OR3A2: variants seen among roughly 807,000 people sequenced by gnomAD.
The protein encoded by OR3A2 is olfactory receptor 3A2.
For missense variants in OR3A2, 318 were observed against 392.8 expected (o/e 0.81, Z 1.61); for synonymous variants, 126 against 159.3 (o/e 0.79, Z 1.57).
chr17:3,322,103 G>A (rs2049128475), intron 3 of OR3A2, among the ~76,000 whole-genome samples: 1 of 152,084 alleles, frequency 6.6e-6, no homozygotes, highest in Non-Finnish European at 1.5e-5. Context: ...AGTCTTGGGA[G>A]GATGTACGTG....
intron 2 of OR3A2, among the ~76,000 whole-genome samples, chr17:3,367,207 A>C (rs976658468): frequency 1.3e-5 from 2 of 151,924 alleles, no homozygotes; most frequent in Non-Finnish European, 2.9e-5. Context: ...TACAGCTCAG[A>C]CTCAGTTGTT....
chr17:3,360,041 T>C (rs2049497558), intron 2 of OR3A2, among the ~76,000 whole-genome samples: 1 of 151,798 alleles, frequency 6.6e-6, no homozygotes, highest in Admixed American at 6.6e-5. Context: ...CCACCAACAG[T>C]GTAAAAGTGT....
chr17:3,351,174 C>G lies in OR3A2; in HGVS notation c.-178-15048G>C, dbSNP rs888959350. ...CTCCTATTCAACAGTGTTGGAAGTT[C>G]TGGCCAGGGCAATTAGGCAGGAGAA... On this transcript the variant is annotated intron_variant, in intron 2 of 4. Coordinates refer to the OR3A2 transcript ENST00000573491. 8.7e-5 allele frequency among the ~76,000 whole-genome samples: 13 copies of G among 149,430 alleles called. 1 individual carries two copies. The highest frequency in any genetic ancestry group is 3.2e-4 in the African/African-American group (13 of 40,766).
In OR3A2 at chr17:3,328,589, A is replaced by T. The variant is rs1170522962; in HGVS notation, c.-85+7444T>A. On this transcript the variant is annotated intron_variant, in intron 3 of 4. Transcript: ENST00000573491. The stretch of plus-strand genomic sequence containing the variant: ...AATTGCCCTGGCCAGAACTTCCAAC[A>T]CTATGTTGAATAGGAGTGGTGAGAG... Among the ~76,000 whole-genome samples, 17 of 147,238 alleles carry T rather than the reference A, an allele frequency of 1.2e-4. 1 individual carries two copies. In the East Asian group the frequency reaches 3.3e-3, roughly 29 times the overall value.
chr17:3,277,931 A>G, exon 2 of OR3A2: 1 of 1,530,318 alleles, frequency 6.5e-7, no homozygotes, highest in Non-Finnish European at 8.8e-7. Context: ...AATTTTCCTC[A>G]GTCCAGAAAA....
intron 3 of OR3A2, among the ~76,000 whole-genome samples, chr17:3,314,335 CTAAAG>C (rs142967372): frequency 0.013 from 2,037 of 152,226 alleles, 48 homozygotes; most frequent in African/African-American, 0.046. Flanking sequence ...AATTCATCTT[CTAAAG>C]TAAAGAGTTT....
Position 3,380,539 on chromosome 17 carries a change from C to G in OR3A2, c.-179+3265G>C, listed in dbSNP as rs79611184. Among the ~76,000 whole-genome samples, 19 of 152,292 alleles carry G rather than the reference C, an allele frequency of 1.2e-4. 1 individual carries two copies. In the East Asian group the frequency reaches 3.5e-3, roughly 28 times the overall value. ...CTTACTCATCTCCGAATGCCTCCCC[C>G]ACCAGTGCTCAAGTACCTGCCTGGC... On this transcript the variant is annotated intron_variant, in intron 2 of 4. Coordinates refer to the OR3A2 transcript ENST00000573491.
chr17:3,314,450 G>A lies in OR3A2; in HGVS notation c.-85+21583C>T, dbSNP rs142210518. Among the ~76,000 whole-genome samples, 233 of 152,282 alleles carry A rather than the reference G, an allele frequency of 1.5e-3. 1 individual carries two copies. The highest frequency in any genetic ancestry group is 5.1e-3 in the African/African-American group (211 of 41,570). ...AAAAGAAGAGTGAACGTATTGACAT[G>A]AGAAGTTGTATAGCACATATGACTA... On this transcript the variant is annotated intron_variant, in intron 3 of 4. Coordinates refer to the OR3A2 transcript ENST00000573491.
At chr17:3,343,508 G>A (rs542916723) in intron 2 of OR3A2, among the ~76,000 whole-genome samples, 1 of 152,308 alleles carries the variant, frequency 6.6e-6, no homozygotes, top group Non-Finnish European at 1.5e-5. Context: ...AGATTTTAAT[G>A]TGCTGCGTCT....
intron 2 of OR3A2, among the ~76,000 whole-genome samples, chr17:3,377,947 TAACAAGGA>T (rs2049698463): frequency 1.3e-5 from 2 of 151,864 alleles, no homozygotes; most frequent in African/African-American, 4.8e-5. Flanking sequence ...CCTAGGTATA[TAACAAGGA>T]GAAATGAAAA....
chr17:3,300,960 T>C (rs9909146), intron 3 of OR3A2, among the ~76,000 whole-genome samples: 96,372 of 151,790 alleles, frequency 0.63, 31,408 homozygotes, highest in East Asian at 1. Context: ...TCTGTCCTTG[T>C]GATAGTTTGC....
At chr17:3,294,305 TAAAG>T (rs1338833556) in intron 3 of OR3A2, among the ~76,000 whole-genome samples, 1 of 151,488 alleles carries the variant, frequency 6.6e-6, no homozygotes, top group Non-Finnish European at 1.5e-5. Context: ...GAAAAGATGT[TAAAG>T]AAATGTAAAA....
At chr17:3,326,572 C>G (rs1032146786) in intron 3 of OR3A2, among the ~76,000 whole-genome samples, 1 of 148,234 alleles carries the variant, frequency 6.7e-6, no homozygotes, top group South Asian at 2.1e-4. Context: ...TTTTATTATA[C>G]TTTAAGTTTT....
intron 2 of OR3A2, among the ~76,000 whole-genome samples, chr17:3,369,957 C>A (rs1205057103): frequency 6.6e-6 from 1 of 152,048 alleles, no homozygotes. Flanking sequence ...GCGCATGCCA[C>A]CACGCATGGC....
chr17:3,372,232 C>T (rs1184025645), intron 2 of OR3A2, among the ~76,000 whole-genome samples: 5 of 148,472 alleles, frequency 3.4e-5, no homozygotes, highest in South Asian at 2.2e-4. Context: ...GATGGGCGGC[C>T]GGGCAGAGAT....
At chr17:3,313,466 G>T (rs1316529870) in intron 3 of OR3A2, among the ~76,000 whole-genome samples, 1 of 152,204 alleles carries the variant, frequency 6.6e-6, no homozygotes, top group Non-Finnish European at 1.5e-5. Context: ...CCCTAACTCA[G>T]TGCTGTCTAC....
At chr17:3,362,905 T>C (rs2049530280) in intron 2 of OR3A2, among the ~76,000 whole-genome samples, 1 of 151,860 alleles carries the variant, frequency 6.6e-6, no homozygotes, top group South Asian at 2.1e-4. Flanking sequence ...GTTTGCACTC[T>C]CTGAAACAAT....
intron 2 of OR3A2, among the ~76,000 whole-genome samples, chr17:3,352,747 C>T (rs2049430822): frequency 6.6e-6 from 1 of 151,864 alleles, no homozygotes; most frequent in Non-Finnish European, 1.5e-5. Context: ...TTTGTGATTT[C>T]ATATAAATTT....
chr17:3,303,504 G>A (rs1163789120), intron 3 of OR3A2, among the ~76,000 whole-genome samples: 1 of 151,868 alleles, frequency 6.6e-6, no homozygotes, highest in Admixed American at 6.6e-5. Context: ...CACTTTGGGA[G>A]GCTGAGGTAG....
Sources: gnomAD v4.1 joint callset for allele counts (sites outside exome capture counted in the v4.1 genomes callset) on GRCh38, gnomAD v4.1.1 for gene constraint, MANE v1.5 for transcripts, NCBI Gene and HGNC (gene_info 2026-07-23, HGNC 2026-07-21) for gene names.